The following TPO variants were observed in gnomAD, a reference collection of about 807,000 sequenced individuals.
TPO encodes the protein thyroid microsomal antigen.
A neutral mutation model predicts 96.9 loss-of-function variants in TPO; 78 were observed. The ratio of observed to expected loss-of-function variants is 0.81; its 90% CI spans 0.67 to 0.97. The LOEUF is 0.97. Among genes scored for constraint, TPO ranks in the 50% least tolerant of loss-of-function variants. The pLI, the probability that TPO is intolerant of heterozygous loss-of-function variation, is 0.00. For synonymous variants in TPO, 547 were observed against 538.0 expected, an observed-to-expected ratio of 1.02 and a Z score of -0.23; for missense variants, 1,252 against 1,274.8, an observed-to-expected ratio of 0.98 and a Z score of 0.27.
chr2:1,375,469 A>G (rs1558239872), intron 1 of TPO, among the ~76,000 whole-genome samples: 1 of 152,016 alleles, frequency 6.6e-6, no homozygotes, highest in Non-Finnish European at 1.5e-5. Flanking sequence ...TTTAAAGGGG[A>G]AAGAGCGAGC....
At chr2:1,534,568 T>C (rs76380952) in intron 15 of TPO, among the ~76,000 whole-genome samples, 3,410 of 14,324 alleles carry the variant, frequency 0.24, 659 homozygotes, top group Middle Eastern at 0.43. Flanking sequence ...TCTGTGCAAC[T>C]TCCCCAAATC....
upstream of TPO, among the ~76,000 whole-genome samples, chr2:1,412,897 G>C (rs925076482): frequency 6.6e-6 from 1 of 150,866 alleles, no homozygotes; most frequent in Non-Finnish European, 1.5e-5. Context: ...TCTTTGTGGG[G>C]ACTCTTTTGA....
At chr2:1,384,772 G>A (rs999751025) in intron 1 of TPO, among the ~76,000 whole-genome samples, 12 of 152,128 alleles carry the variant, frequency 7.9e-5, no homozygotes, top group African/African-American at 2.9e-4. Flanking sequence ...GTGAGAGAGG[G>A]CATCCCTGTC....
chr2:1,401,907 G>A (rs1279266646), intron 1 of TPO, among the ~76,000 whole-genome samples: 1 of 152,160 alleles, frequency 6.6e-6, no homozygotes, highest in Non-Finnish European at 1.5e-5. Flanking sequence ...AGGAGTCAAA[G>A]GGCACTGAGT....
chr2:1,393,265 G>A (rs1485744444), intron 1 of TPO, among the ~76,000 whole-genome samples: 1 of 152,158 alleles, frequency 6.6e-6, no homozygotes, highest in Non-Finnish European at 1.5e-5. Flanking sequence ...GATCTCACAA[G>A]AACTCATTCA....
chr2:1,401,843 C>G (rs12328362), intron 1 of TPO, among the ~76,000 whole-genome samples: 9,116 of 152,002 alleles, frequency 0.06, 685 homozygotes, highest in East Asian at 0.3. Context: ...GGGTATTTGT[C>G]TGACTGTTAG....
chr2:1,500,794 G>A (rs77014398), intron 13 of TPO, among the ~76,000 whole-genome samples: 6,826 of 151,876 alleles, frequency 0.045, 190 homozygotes, highest in East Asian at 0.11. Flanking sequence ...GTGAAACCCC[G>A]TCTCTACTAA....
chr2:1,478,327 T>C (rs1558335304), intron 8 of TPO: 1 of 985,290 alleles, frequency 1.0e-6, no homozygotes, highest in African/African-American at 1.7e-5. Flanking sequence ...GATATGCGAG[T>C]CACCGTGTGT....
intron 2 of TPO, among the ~76,000 whole-genome samples, chr2:1,422,397 C>CAGGCGCCTCTCCTGGACCGA (rs1467468825): frequency 7.3e-5 from 4 of 54,872 alleles, no homozygotes; most frequent in South Asian, 7.2e-4. Flanking sequence ...CCGCGCTGGG[C>CAGGCGCCTCTCCTGGACCGA]CATGGGGAGA....
At chr2:1,485,024 A>G (rs1671004624) in intron 9 of TPO, among the ~76,000 whole-genome samples, 170 bp downstream of exon 9, 1 of 152,178 alleles carries the variant, frequency 6.6e-6, no homozygotes, top group Non-Finnish European at 1.5e-5. Flanking sequence ...CGTAATTTAC[A>G]TTAGGTATTT....
intron 10 of TPO, among the ~76,000 whole-genome samples, chr2:1,493,501 G>C (rs753936182): frequency 1.4e-4 from 13 of 90,592 alleles, no homozygotes; most frequent in Admixed American, 2.5e-4. Context: ...ATCTGAGCTG[G>C]AATATCCTAG....
At chr2:1,514,812 C>T (rs928070362) in intron 14 of TPO, among the ~76,000 whole-genome samples, 8 of 152,190 alleles carry the variant, frequency 5.3e-5, no homozygotes, top group Non-Finnish European at 8.8e-5. Context: ...TTCTGCTGTG[C>T]GGCATCTGGC....
chr2:1,375,267 G>A lies in TPO; in HGVS notation n.180+865G>A, dbSNP rs7558253. On this transcript the variant is annotated intron_variant and non_coding_transcript_variant, in intron 1 of 5. Coordinates refer to the TPO transcript ENST00000497517. ...CACTGGCATAGGAAACTGGTGAACT[G>A]GGAAACTCACCTTGGTCGTGAAAGG... Among the ~76,000 whole-genome samples, 10 of 152,196 alleles carry A rather than the reference G, an allele frequency of 6.6e-5. No homozygotes were observed. In the South Asian group the frequency reaches 1.3e-3, roughly 19 times the overall value.
chr2:1,454,264 C>T (rs1461940598), intron 6 of TPO, among the ~76,000 whole-genome samples: 2 of 152,066 alleles, frequency 1.3e-5, no homozygotes, highest in Non-Finnish European at 2.9e-5. Flanking sequence ...TCTATTTGGT[C>T]AAAAAATGGG....
At chr2:1,477,696 A>G in intron 8 of TPO, 92 bp downstream of exon 8, 1 of 1,389,972 alleles carries the variant, frequency 7.2e-7, no homozygotes, top group South Asian at 1.6e-5. Flanking sequence ...TCTCTCTCCC[A>G]GGTACTTGCA....
intron 1 of TPO, among the ~76,000 whole-genome samples, chr2:1,379,336 A>T (rs1661772277): frequency 6.6e-6 from 1 of 152,154 alleles, no homozygotes; most frequent in South Asian, 2.1e-4. Flanking sequence ...GAGATTGAAC[A>T]TAAGAGTGAG....
chr2:1,437,835 TG>T (rs28909391), intron 5 of TPO, among the ~76,000 whole-genome samples: 7,824 of 103,168 alleles, frequency 0.076, 542 homozygotes, highest in East Asian at 0.2. Context: ...CCCTGAAGCC[TG>T]GGGGGGGGTC....
At chr2:1,540,854 CTTCCTCCGGGAGGTTTT>C (rs1680679054) in intron 16 of TPO, 131 bp downstream of exon 16, 1 of 1,562,444 alleles carries the variant, frequency 6.4e-7, no homozygotes, top group Middle Eastern at 1.7e-4. Flanking sequence ...CGTTCTGCAC[CTTCCTCCGGGAGGTTTT>C]ATTTACAAGC....
chr2:1,445,349 ACTGTGTTGG>A, intron 5 of TPO, among the ~76,000 whole-genome samples: 1 of 80,654 alleles, frequency 1.2e-5, no homozygotes, highest in Non-Finnish European at 2.5e-5. Context: ...TGCAGGAGGC[ACTGTGTTGG>A]AAGGGAATGA....
Sources: allele counts gnomAD v4.1 joint callset (sites outside exome capture counted in the v4.1 genomes callset), GRCh38; gene constraint gnomAD v4.1.1; transcripts MANE v1.5; gene names NCBI Gene and HGNC (gene_info 2026-07-23, HGNC 2026-07-21).